Variants in SGSM3 observed in about 807,000 individuals in gnomAD.
SGSM3 encodes the protein RUN and SH3 containing 3.
A neutral mutation model predicts 100.5 loss-of-function variants in SGSM3; 96 were observed. That is an observed-to-expected ratio of 0.96 (90% CI 0.81 to 1.13). The LOEUF (loss-of-function observed/expected upper bound fraction) is 1.13, where lower values mean the gene tolerates loss of function less well. Among genes scored for constraint, SGSM3 ranks in the 50% most tolerant of loss-of-function variants. The pLI, the probability that SGSM3 is intolerant of heterozygous loss-of-function variation, is 0.00. For missense variants in SGSM3, 1,001 were observed against 1,015.8 expected (o/e 0.99, Z 0.20); for synonymous variants, 483 against 422.8 (o/e 1.14, Z -1.75).
At chr22:40,408,518 G>C in intron 16 of SGSM3, 89 bp downstream of exon 16, 4 of 1,592,030 alleles carry the variant, frequency 2.5e-6, no homozygotes, top group Non-Finnish European at 3.4e-6. Flanking sequence ...CTGCCCCACA[G>C]AGAGGATGGG....
intron 2 of SGSM3, among the ~76,000 whole-genome samples, 177 bp downstream of exon 2, chr22:40,400,990 TAGCTCTCCTCCTCC>T (rs1372337702): frequency 1.3e-5 from 2 of 152,242 alleles, no homozygotes; most frequent in Admixed American, 1.3e-4. Context: ...CTCTGCTCTC[TAGCTCTCCTCCTCC>T]AGCTCTCCAA....
At position 40,404,438 on chromosome 22, in the gene SGSM3, C is replaced by T. The variant is rs1720176239; in HGVS notation, c.349C>T (p.His117Tyr). The T allele has an allele frequency of 2.5e-6, 4 of 1,604,716 alleles. No individual in the cohort carries two copies. Among genetic ancestry groups the T allele is most frequent in the Non-Finnish European group, 3.4e-6 (4 of 1,174,774 alleles). The change falls in exon 5 of 22, where the codon CAT becomes TAT. Residue 117 changes from histidine (H) to tyrosine (Y), a missense_variant. Coordinates refer to ENST00000248929, the MANE Select transcript of SGSM3 (RefSeq NM_015705.6). ...LRSLVLAGIP[H>Y]GMRPQLWMRL... ...CTCCCTGGTGCTGGCCGGCATCCCA[C>T]ATGGCATGAGGCCACAGGTAAGGTG... is the stretch of plus-strand genomic sequence containing the variant.
At chr22:40,374,021 T>C (rs962253391) in intron 1 of SGSM3, among the ~76,000 whole-genome samples, 1 of 152,134 alleles carries the variant, frequency 6.6e-6, no homozygotes, top group Non-Finnish European at 1.5e-5. Flanking sequence ...TGATCTCGGC[T>C]CACTGCAAGC....
At chr22:40,405,971 T>C (rs1364593314) in intron 8 of SGSM3, 107 bp from the exon 9 acceptor site, 3 of 1,503,822 alleles carry the variant, frequency 2.0e-6, no homozygotes, top group African/African-American at 2.8e-5. Flanking sequence ...TGGTGTTCCC[T>C]GCCCCCTCCC....
At position 40,406,491 on chromosome 22, in the gene SGSM3, G is replaced by T; in HGVS notation, c.1014G>T (p.Ser338=). 2 of 1,610,532 alleles carry T rather than the reference G, an allele frequency of 1.2e-6. No homozygotes were observed. Among genetic ancestry groups the T allele is most frequent in the Non-Finnish European group, 1.7e-6 (2 of 1,178,306 alleles). The change falls in exon 10 of 22, where the codon TCG becomes TCT. Residue 338 remains serine, a synonymous_variant. Transcript: ENST00000248929. ...CGGCCTCCATCTTCAACACGCTATC[G>T]GATATCCCGTCGCAGATGGAGGACG... ...ENSASIFNTL[S]DIPSQMEDAE... is the part of the protein sequence containing the mutation.
intron 4 of SGSM3, among the ~76,000 whole-genome samples, chr22:40,403,897 G>A (rs1032888590): frequency 6.6e-5 from 10 of 152,190 alleles, no homozygotes; most frequent in Middle Eastern, 6.3e-3. Context: ...AAGGAATCCT[G>A]TGGGTTTGCT....
intron 4 of SGSM3, among the ~76,000 whole-genome samples, chr22:40,403,095 T>A (rs537525463): frequency 4.6e-5 from 7 of 152,386 alleles, no homozygotes; most frequent in African/African-American, 1.7e-4. Context: ...TGTGTTTGGC[T>A]GGGTCAGTGG....
Position 40,405,123 on chromosome 22 carries a change from C to T in SGSM3, c.475-18C>T. The T allele has an allele frequency of 6.7e-7, 1 of 1,485,510 alleles. No homozygotes were observed. Among genetic ancestry groups the T allele is most frequent in the East Asian group, 2.5e-5 (1 of 40,776 alleles). The allele number at this position is 1,485,510 out of a possible 1,614,324, so 92.0% of individuals were successfully genotyped here. On this transcript the variant is annotated intron_variant, in intron 6 of 21. Coordinates refer to ENST00000248929, the MANE Select transcript of SGSM3 (RefSeq NM_015705.6). ...TCACAAGGTCTTGTTATTGTGGGTGCCGATGGCTGCCTGACAGATCGAGAA... is the reference window on the plus strand; with the variant it reads ...TCACAAGGTCTTGTTATTGTGGGTGTCGATGGCTGCCTGACAGATCGAGAA...
At chr22:40,375,301 C>T (rs972272253) in intron 1 of SGSM3, among the ~76,000 whole-genome samples, 13 of 152,092 alleles carry the variant, frequency 8.5e-5, no homozygotes, top group African/African-American at 2.2e-4. Context: ...ATTGATAGGC[C>T]GGTTGTGGTG....
chr22:40,391,475 G>C (rs1489274405), intron 1 of SGSM3, among the ~76,000 whole-genome samples: 6 of 152,302 alleles, frequency 3.9e-5, no homozygotes, highest in Non-Finnish European at 7.4e-5. Flanking sequence ...GCCTGGTGTG[G>C]TGGTGCACAC....
chr22:40,407,444 A>T lies in SGSM3; in HGVS notation c.1400A>T (p.His467Leu), dbSNP rs778768668. ...ACTCCAGACTATAGCATGGAGAGCC[A>T]CCAGCGGGACCACGAGAACTACGTG... ...ELTPDYSMES[H>L]QRDHENYVAC... Residue 467 changes from histidine to leucine, a missense_variant, in exon 13 of 22, where the codon CAC becomes CTC. His to Leu is a moderately conservative substitution (Grantham distance 99, BLOSUM62 -3). Coordinates refer to ENST00000248929, the MANE Select transcript of SGSM3 (RefSeq NM_015705.6). The surrounding 1 kb of genome is among the most constrained non-coding windows in gnomAD (Gnocchi z 4.7). 1.5e-5 allele frequency: 24 copies of T among 1,612,682 alleles called. No individual in the cohort carries two copies. The South Asian group carries it at 2.5e-4, about 17-fold the overall frequency.
At chr22:40,384,740 C>T (rs1794529077) in intron 1 of SGSM3, among the ~76,000 whole-genome samples, 1 of 152,142 alleles carries the variant, frequency 6.6e-6, no homozygotes, top group Non-Finnish European at 1.5e-5. Context: ...GAGATAGCGC[C>T]ATTGCACTCC....
At chr22:40,406,984 C>G in intron 10 of SGSM3, 33 bp from the exon 11 acceptor site, 3 of 1,554,552 alleles carry the variant, frequency 1.9e-6, no homozygotes, top group Non-Finnish European at 2.6e-6. Flanking sequence ...CTCCCGGGGC[C>G]AGGACCACCC....
At position 40,410,113 on chromosome 22, in the gene SGSM3, C is replaced by T. The variant is rs1318430625; in HGVS notation, c.*354C>T. 2.6e-6 allele frequency: 3 copies of T among 1,155,330 alleles called. No homozygotes were observed. The highest frequency in any genetic ancestry group is 2.1e-6 in the Non-Finnish European group (2 of 936,930). The allele number at this position is 1,155,330 out of a possible 1,614,324, so 71.6% of individuals were successfully genotyped here. On this transcript the variant is annotated 3_prime_UTR_variant, in exon 22 of 22. Transcript: ENST00000248929. The stretch of plus-strand genomic sequence containing the variant: ...ACTGTGTCTGTCTTTGAGAAAGCAC[C>T]TACCTGTCTTCTGTGCAGCTAGGGC...
intron 1 of SGSM3, among the ~76,000 whole-genome samples, chr22:40,388,521 G>GTC (rs1400083978): frequency 6.6e-6 from 1 of 152,184 alleles, no homozygotes; most frequent in Non-Finnish European, 1.5e-5. Flanking sequence ...GTCATGCAGG[G>GTC]TCTTATAAAT....
At chr22:40,387,431 TTTAATTA>T (rs1601864128) in intron 1 of SGSM3, 1 of 377,206 alleles carries the variant, frequency 2.7e-6, no homozygotes, top group African/African-American at 2.1e-5. Flanking sequence ...ACCTGTGTAG[TTTAATTA>T]TATGAAAAAT....
At chr22:40,382,545 C>T (rs1443237188) in intron 1 of SGSM3, among the ~76,000 whole-genome samples, 2 of 152,160 alleles carry the variant, frequency 1.3e-5, no homozygotes, top group Admixed American at 6.5e-5. Flanking sequence ...TAAGAGCTAA[C>T]CTCCCAAGGG....
chr22:40,409,446 A>AC lies in SGSM3; in HGVS notation c.2112-15dup, dbSNP rs1197812977. On this transcript the variant is annotated intron_variant, in intron 20 of 21. Coordinates refer to ENST00000248929, the MANE Select transcript of SGSM3 (RefSeq NM_015705.6). ...AGCTGGGGGTGACAAGAGCCTTACCACCCCTTCCTCACCTCTAGAGTCCTC... is the reference window on the plus strand; with the variant it reads ...AGCTGGGGGTGACAAGAGCCTTACCACCCCCTTCCTCACCTCTAGAGTCCTC... 6.4e-7 allele frequency: 1 copy of AC among 1,565,780 alleles called. No individual in the cohort carries two copies. The highest frequency in any genetic ancestry group is 2.3e-5 in the East Asian group (1 of 44,110).
At chr22:40,392,746 C>G (rs1316828953) in intron 1 of SGSM3, among the ~76,000 whole-genome samples, 2 of 152,202 alleles carry the variant, frequency 1.3e-5, no homozygotes, top group South Asian at 2.1e-4. Context: ...TTCGTACATT[C>G]ACTATGTTGT....
Sources: gnomAD v4.1 joint callset for allele counts (sites outside exome capture counted in the v4.1 genomes callset) on GRCh38, gnomAD v4.1.1 for gene constraint, Gnocchi (gnomAD v3.1) non-coding constraint, MANE v1.5 for transcripts, NCBI Gene and HGNC (gene_info 2026-07-23, HGNC 2026-07-21) for gene names.